INO80: variants seen among roughly 807,000 people sequenced by gnomAD.
The protein encoded by INO80 is chromatin-remodeling ATPase INO80.
In INO80, 20 loss-of-function variants were observed where a neutral mutation model predicts 203.4. The observed-to-expected ratio is 0.10, with a 90% confidence interval of 0.07 to 0.14. The LOEUF is 0.14. Ranked by LOEUF, INO80 falls within the 10% of genes least tolerant of loss-of-function variation. INO80 has a pLI of 1.00. For synonymous variants in INO80, 726 were observed against 685.2 expected (o/e 1.06, Z -0.93); for missense variants, 1,419 against 1,914.4 (o/e 0.74, Z 4.83).
At chr15:41,059,559 G>A (rs1476251374) in intron 15 of INO80, among the ~76,000 whole-genome samples, 1 of 150,700 alleles carries the variant, frequency 6.6e-6, no homozygotes, top group African/African-American at 2.4e-5. Flanking sequence ...GGTGGCTGAG[G>A]TGGGAGGATT....
At chr15:41,026,653 TAAG>T (rs1224372042) in intron 25 of INO80, among the ~76,000 whole-genome samples, 1 of 151,840 alleles carries the variant, frequency 6.6e-6, no homozygotes, top group Admixed American at 6.6e-5. Flanking sequence ...CATAAAAGGG[TAAG>T]AAATGTCAAC....
chr15:41,079,968 T>G, intron 8 of INO80, 64 bp from the exon 9 acceptor site: 1 of 1,368,682 alleles, frequency 7.3e-7, no homozygotes, highest in Non-Finnish European at 1.0e-6. Context: ...CTTCCTGGAC[T>G]CTAAACCACA....
chr15:41,071,566 T>A (rs1014050442), intron 12 of INO80, among the ~76,000 whole-genome samples: 3 of 150,652 alleles, frequency 2.0e-5, no homozygotes, highest in Admixed American at 6.6e-5. Context: ...ATGATTCTCC[T>A]GCCTCAGCCT....
intron 14 of INO80, among the ~76,000 whole-genome samples, chr15:41,061,327 C>A (rs902088691): frequency 6.8e-6 from 1 of 147,470 alleles, no homozygotes; most frequent in African/African-American, 2.5e-5. Context: ...AAAGTTTAGG[C>A]CGGGCACAGT....
At chr15:41,080,057 G>C (rs1216497040) in intron 8 of INO80, among the ~76,000 whole-genome samples, 153 bp from the exon 9 acceptor site, 1 of 152,100 alleles carries the variant, frequency 6.6e-6, no homozygotes, top group Non-Finnish European at 1.5e-5. Flanking sequence ...TCCTTGTACA[G>C]TACTGTGACA....
At chr15:41,044,056 A>C (rs1415979254) in intron 24 of INO80, among the ~76,000 whole-genome samples, 1 of 152,246 alleles carries the variant, frequency 6.6e-6, no homozygotes, top group Non-Finnish European at 1.5e-5. Context: ...TCCCAGGTGT[A>C]GTGGAGGATG....
intron 8 of INO80, among the ~76,000 whole-genome samples, chr15:41,080,109 T>C (rs2045463641): frequency 6.6e-6 from 1 of 152,126 alleles, no homozygotes. Flanking sequence ...AAGAAATCTA[T>C]CCAATTTCTA....
At chr15:41,111,967 C>T (rs1422427701) in intron 1 of INO80, among the ~76,000 whole-genome samples, 1 of 152,130 alleles carries the variant, frequency 6.6e-6, no homozygotes, top group Non-Finnish European at 1.5e-5. Context: ...TGCAGTGGCA[C>T]AATCAGGGTT....
chr15:41,053,915 T>A lies in INO80; in HGVS notation c.2274+14A>T, dbSNP rs1226259545. 3.1e-6 allele frequency: 5 copies of A among 1,601,876 alleles called. No individual in the cohort carries two copies. Among genetic ancestry groups the A allele is most frequent in the Non-Finnish European group, 4.3e-6 (5 of 1,169,430 alleles). On this transcript the variant is annotated intron_variant, in intron 19 of 35. Coordinates refer to ENST00000648947, the MANE Select transcript of INO80 (RefSeq NM_017553.3). ...CCTATTGAGGCTTAAACACATGAGG[T>A]CTTCTTTACTTACCTTGTCAGATAA...
intron 24 of INO80, among the ~76,000 whole-genome samples, chr15:41,044,605 T>C (rs1388443004): frequency 6.6e-6 from 1 of 152,234 alleles, no homozygotes; most frequent in East Asian, 1.9e-4. Context: ...AAGTATTCTA[T>C]ATATTGATCT....
chr15:41,066,846 C>CAAAAAAAAAAAAAAAAAA (rs58118605), intron 14 of INO80, among the ~76,000 whole-genome samples: 9 of 70,564 alleles, frequency 1.3e-4, no homozygotes, highest in Middle Eastern at 8.1e-3. Context: ...AAAAAAAAAG[C>CAAAAAAAAAAAAAAAAAA]AAAAAAAAAA....
chr15:41,112,024 C>T (rs960040484), intron 1 of INO80, among the ~76,000 whole-genome samples: 5 of 152,060 alleles, frequency 3.3e-5, no homozygotes, highest in African/African-American at 1.2e-4. Context: ...CCCATCTCAG[C>T]TTTCCAAGTA....
intron 29 of INO80, among the ~76,000 whole-genome samples, chr15:40,989,746 C>T (rs892891199): frequency 2.6e-5 from 4 of 152,184 alleles, no homozygotes; most frequent in African/African-American, 9.7e-5. Context: ...TCCAAACTCT[C>T]CTAAATAATC....
chr15:41,048,129 T>G, intron 22 of INO80, 83 bp downstream of exon 22: 1 of 1,045,734 alleles, frequency 9.6e-7, no homozygotes. Flanking sequence ...CTAATACTCG[T>G]TCTAAATCAG....
Position 40,979,473 on chromosome 15 carries a change from GA to G in INO80, c.*749del, listed in dbSNP as rs1489295501. On this transcript the variant is annotated 3_prime_UTR_variant, in exon 36 of 36. Transcript: ENST00000648947. ...AGGATGGGCAAAGGGGACTCTGCAA[GA>G]GGGGCAGTGAGGCTGTCCTGCTGAT... is the stretch of plus-strand genomic sequence containing the variant. The G allele has an allele frequency of 6.6e-6, 1 of 152,098 alleles. No homozygotes were observed. The highest frequency in any genetic ancestry group is 2.5e-5 in the African/African-American group (1 of 39,896). The allele number at this position is 152,098 out of a possible 1,614,324, so 9.4% of individuals were successfully genotyped here.
chr15:41,109,650 T>C (rs2045931473), intron 1 of INO80, among the ~76,000 whole-genome samples: 1 of 148,296 alleles, frequency 6.7e-6, no homozygotes, highest in African/African-American at 2.5e-5. Flanking sequence ...ACAAAAATTA[T>C]GCCAGGTGCG....
chr15:41,045,338 C>A (rs1307036283), intron 23 of INO80, among the ~76,000 whole-genome samples: 1 of 152,088 alleles, frequency 6.6e-6, no homozygotes, highest in African/African-American at 2.4e-5. Context: ...CCTGTAATTT[C>A]AACACTTTGG....
At chr15:41,021,921 G>A (rs2044300463) in intron 25 of INO80, among the ~76,000 whole-genome samples, 1 of 152,214 alleles carries the variant, frequency 6.6e-6, no homozygotes, top group African/African-American at 2.4e-5. Flanking sequence ...TACTCTAATA[G>A]GCAGTATTCA....
At chr15:41,090,443 G>A (rs2045619115) in intron 5 of INO80, among the ~76,000 whole-genome samples, 1 of 152,174 alleles carries the variant, frequency 6.6e-6, no homozygotes, top group South Asian at 2.1e-4. Flanking sequence ...CGGGCGTGGT[G>A]GCACACGCCT....
Sources: gnomAD v4.1 joint callset for allele counts (sites outside exome capture counted in the v4.1 genomes callset) on GRCh38, gnomAD v4.1.1 for gene constraint, MANE v1.5 for transcripts, NCBI Gene and HGNC (gene_info 2026-07-23, HGNC 2026-07-21) for gene names.